The following MTCL1 variants were observed in gnomAD, a reference collection of about 807,000 sequenced individuals.
MTCL1 encodes microtubule crosslinking factor 1, also known as microtubule cross-linking factor 1.
In MTCL1, 79 loss-of-function variants were observed where a neutral mutation model predicts 141.4. The observed-to-expected ratio is 0.56, with a 90% CI of 0.47 to 0.67. MTCL1 has a LOEUF of 0.67. Ranked by LOEUF, MTCL1 falls within the 30% of genes least tolerant of loss-of-function variation. The pLI is 0.00. For missense variants in MTCL1, 2,177 were observed against 2,113.9 expected, an observed-to-expected ratio of 1.03 and a Z score of -0.59; for synonymous variants, 914 against 875.8, an observed-to-expected ratio of 1.04 and a Z score of -0.77.
Position 8,824,600 on chromosome 18 carries a change from G to T in MTCL1, c.3189-99G>T, listed in dbSNP as rs1391598409. ...TCTCCTGGTGTGGGTGGCAGCGGGTGCCTTCACTGACACTTCTCATGCAGG... is the reference window on the plus strand; with the variant it reads ...TCTCCTGGTGTGGGTGGCAGCGGGTTCCTTCACTGACACTTCTCATGCAGG... On this transcript the variant is annotated intron_variant, in intron 14 of 16. Transcript: ENST00000359865. 18 of 981,682 alleles carry T rather than the reference G, an allele frequency of 1.8e-5. 1 individual carries two copies. In the South Asian group the frequency reaches 3.0e-4, roughly 16 times the overall value. 60.8% of individuals were successfully genotyped at this position (981,682 alleles called of 1,614,324 possible). A position where few individuals can be genotyped will look rare whatever the true frequency, so the allele number is the denominator to read the frequency against.
At chr18:8,793,240 G>T in intron 8 of MTCL1, 120 bp downstream of exon 7, 2 of 1,373,658 alleles carry the variant, frequency 1.5e-6, no homozygotes, top group Non-Finnish European at 9.9e-7. Flanking sequence ...TAGACTCCTG[G>T]GCACGTATGG....
At chr18:8,796,492 G>T in intron 9 of MTCL1, 30 bp downstream of exon 8, 1 of 1,609,696 alleles carries the variant, frequency 6.2e-7, no homozygotes, top group African/African-American at 1.3e-5. Flanking sequence ...CCTTTTATTT[G>T]CATCTGTTTT....
At position 8,830,050 on chromosome 18, in the gene MTCL1, C is replaced by T; in HGVS notation, c.*18+1086C>T. ...TCACCAACACACAACACACACAGAA[C>T]AGATACACAATACACAACACACACA... On this transcript the variant is annotated intron_variant, in intron 16 of 16. Transcript: ENST00000359865. The surrounding 1 kb of genome is among the most constrained non-coding windows in gnomAD (Gnocchi z 6.4). The T allele has an allele frequency of 1.0e-6, 1 of 985,418 alleles. No individual in the cohort carries two copies. The highest frequency in any genetic ancestry group is 6.1e-5 in the Admixed American group (1 of 16,276). 61.0% of individuals were successfully genotyped at this position (985,418 alleles called of 1,614,324 possible). A position where few individuals can be genotyped will look rare whatever the true frequency, so the allele number is the denominator to read the frequency against.
At chr18:8,746,670 A>AGG (rs1491388914) in intron 4 of MTCL1, among the ~76,000 whole-genome samples, 1 of 152,134 alleles carries the variant, frequency 6.6e-6, no homozygotes, top group Non-Finnish European at 1.5e-5. Context: ...CCCTGCTGAC[A>AGG]GGGGCCCCTG....
chr18:8,785,796 G>A (rs554264834), intron 6 of MTCL1, 140 bp from the exon 6 acceptor site: 65 of 1,005,158 alleles, frequency 6.5e-5, no homozygotes, highest in South Asian at 2.9e-4. Flanking sequence ...TTCTTTGGTC[G>A]TTTTCTCAGT....
intron 15 of MTCL1, 57 bp downstream of exon 14, chr18:8,826,289 G>A (rs1294038687): frequency 7.0e-7 from 1 of 1,422,760 alleles, no homozygotes; most frequent in South Asian, 1.5e-5. Context: ...TTTAGCTGTG[G>A]GGCAGGTTGG....
At chr18:8,821,070 A>G (rs2076829214) in intron 13 of MTCL1, among the ~76,000 whole-genome samples, 2 of 152,294 alleles carry the variant, frequency 1.3e-5, no homozygotes, top group South Asian at 2.1e-4. Flanking sequence ...TCTCTCTAAC[A>G]TAACACATGC....
chr18:8,768,042 T>C (rs2096467358), intron 4 of MTCL1, among the ~76,000 whole-genome samples: 1 of 152,226 alleles, frequency 6.6e-6, no homozygotes, highest in Non-Finnish European at 1.5e-5. Context: ...TATATTAACT[T>C]TTAGTGCAAA....
exon 17 of MTCL1, chr18:8,831,906 G>A: frequency 7.4e-7 from 1 of 1,348,760 alleles, no homozygotes; most frequent in Middle Eastern, 2.2e-4. Context: ...GTTTTCTCAA[G>A]GTCAAAGAAT....
intron 8 of MTCL1, among the ~76,000 whole-genome samples, chr18:8,793,490 CA>C (rs1454273655): frequency 3.3e-5 from 5 of 152,220 alleles, no homozygotes; most frequent in Middle Eastern, 3.2e-3. Flanking sequence ...ATAGAAAAAT[CA>C]GCAACCTCAC....
exon 15 of MTCL1, chr18:8,825,283 A>G (rs753983740): frequency 2.3e-5 from 36 of 1,559,680 alleles, no homozygotes; most frequent in Non-Finnish European, 1.7e-6. Flanking sequence ...CGCCCCCTTG[A>G]TAGTCCCCTC....
intron 7 of MTCL1, 98 bp downstream of exon 6, chr18:8,786,189 G>A (rs1391775604): frequency 2.2e-6 from 3 of 1,346,016 alleles, no homozygotes; most frequent in Admixed American, 2.0e-5. Context: ...GGCCCTGAGG[G>A]AACATGGCAG....
chr18:8,772,669 A>C (rs557097516), intron 4 of MTCL1, among the ~76,000 whole-genome samples: 1 of 148,376 alleles, frequency 6.7e-6, no homozygotes, highest in South Asian at 2.1e-4. Context: ...TGTATATAAC[A>C]TAAAAAGTAT....
chr18:8,826,728 A>C (rs923057534), intron 15 of MTCL1, among the ~76,000 whole-genome samples: 1 of 152,186 alleles, frequency 6.6e-6, no homozygotes. Context: ...GCTTCCTTAC[A>C]AAACAGCCAT....
intron 10 of MTCL1, among the ~76,000 whole-genome samples, chr18:8,801,233 T>G (rs2076111268): frequency 6.6e-6 from 1 of 152,138 alleles, no homozygotes; most frequent in East Asian, 1.9e-4. Flanking sequence ...TGCCCACCTT[T>G]GCTTGCCCAA....
chr18:8,717,963 GTA>G lies in MTCL1; in HGVS notation c.-28+3_-28+4del, dbSNP rs2096140761. On this transcript the variant is annotated splice_donor_variant and splice_donor_region_variant and intron_variant, in intron 2 of 16. Coordinates refer to ENST00000359865, the Ensembl canonical transcript of MTCL1. LOFTEE classifies it low-confidence loss of function (5UTR_SPLICE). ...AACAGAATTTTTGGGACATTTGCAG[GTA>G]TGTTTTAGTTCCAGGGCAATTAGCA... 1.0e-6 allele frequency: 1 copy of G among 1,002,282 alleles called. No individual in the cohort carries two copies. Among genetic ancestry groups the G allele is most frequent in the Admixed American group, 5.5e-5 (1 of 18,312 alleles). The allele number at this position is 1,002,282 out of a possible 1,614,324, so 62.1% of individuals were successfully genotyped here.
At chr18:8,784,574 G>A (rs1441642181) in exon 6 of MTCL1, 6 of 1,610,178 alleles carry the variant, frequency 3.7e-6, no homozygotes, top group Non-Finnish European at 5.1e-6. Flanking sequence ...GCGGGGTGGT[G>A]CGCCCTTACC....
intron 4 of MTCL1, among the ~76,000 whole-genome samples, chr18:8,726,997 T>C (rs1208659311): frequency 6.6e-6 from 1 of 152,166 alleles, no homozygotes; most frequent in Non-Finnish European, 1.5e-5. Context: ...ATTTACATCT[T>C]TGTGTCTATG....
chr18:8,787,212 T>C (rs1489721962), intron 7 of MTCL1: 1 of 152,274 alleles, frequency 6.6e-6, no homozygotes, highest in Non-Finnish European at 1.5e-5. Context: ...GCAAACCAAA[T>C]ACTGAGGAGC....
Sources: gnomAD v4.1 joint callset for allele counts (sites outside exome capture counted in the v4.1 genomes callset) on GRCh38, gnomAD v4.1.1 for gene constraint, Gnocchi (gnomAD v3.1) non-coding constraint, MANE v1.5 for transcripts, NCBI Gene and HGNC (gene_info 2026-07-23, HGNC 2026-07-21) for gene names.